Variants in MFN2 observed in about 807,000 individuals in gnomAD.
MFN2 encodes the protein mitofusin-2.
Under a neutral mutation model 87.5 loss-of-function variants are expected in MFN2, and 43 were observed. That is an observed-to-expected ratio of 0.49 (90% CI 0.38 to 0.63). The LOEUF (loss-of-function observed/expected upper bound fraction) is 0.63, where lower values mean the gene tolerates loss of function less well. Ranked by LOEUF, MFN2 falls within the 30% of genes least tolerant of loss-of-function variation. MFN2 has a pLI of 0.00. For synonymous variants in MFN2, 337 were observed against 359.9 expected, an observed-to-expected ratio of 0.94 and a Z score of 0.72; for missense variants, 743 against 972.8, an observed-to-expected ratio of 0.76 and a Z score of 3.14.
chr1:11,998,051 A>AT (rs754924584), intron 6 of MFN2, among the ~76,000 whole-genome samples: 3 of 150,190 alleles, frequency 2.0e-5, no homozygotes, highest in East Asian at 2.0e-4. Context: ...GCCTGGCTAA[A>AT]TTTTGTATTT....
intron 3 of MFN2, 29 bp downstream of exon 3, chr1:11,989,372 G>T (rs374801409): frequency 1.3e-5 from 21 of 1,610,690 alleles, no homozygotes; most frequent in Non-Finnish European, 1.6e-5. Context: ...AGCCAGGCCC[G>T]CTCTTACCTG....
rs1377029463 is a variant in MFN2 at position 12,004,206 on chromosome 1, T to C, written c.1287+88T>C. The C allele has an allele frequency of 1.4e-5, 21 of 1,542,898 alleles. No individual in the cohort carries two copies. Among genetic ancestry groups the C allele is most frequent in the Middle Eastern group, 2.3e-4 (1 of 4,382 alleles). On this transcript the variant is annotated intron_variant, in intron 12 of 18. Coordinates refer to ENST00000235329, the MANE Select transcript of MFN2 (RefSeq NM_014874.4). This position sits in a 1 kb window ranked among gnomAD's most constrained non-coding sequence, Gnocchi z 4.2. ...CAGACCTCCTCCTCTTAGGGACTTC[T>C]CAGCCTTTCAGAAGAAAGTTGTGGC...
At position 12,001,757 on chromosome 1, in the gene MFN2, C is replaced by T. The variant is rs755875740; in HGVS notation, c.971-12C>T. On this transcript the variant is annotated splice_polypyrimidine_tract_variant and intron_variant, in intron 9 of 18. Coordinates refer to ENST00000235329, the MANE Select transcript of MFN2 (RefSeq NM_014874.4). ...AAGTTGTTTCTGGACTAATGCAGTA[C>T]AATCCTCCTAGGGGGCGCTCTCGCA... 5 of 1,614,060 alleles carry T rather than the reference C, an allele frequency of 3.1e-6. No individual in the cohort carries two copies. The South Asian group carries it at 4.4e-5, about 14-fold the overall frequency.
chr1:11,997,740 CAG>C (rs2100827467), intron 6 of MFN2, among the ~76,000 whole-genome samples: 1 of 152,178 alleles, frequency 6.6e-6, no homozygotes, highest in East Asian at 1.9e-4. Context: ...GTGGCGGAGT[CAG>C]AGGTGTATTT....
rs367797291 is a variant in MFN2, at chr1:11,990,631, A to G, written c.175+1288A>G. ...GAGGCCTCCCCTGTTGTTTAAATGG[A>G]AGGGAAAGAGCTGGAGTGATCCTGA... On this transcript the variant is annotated intron_variant, in intron 3 of 18. Coordinates refer to ENST00000235329, the MANE Select transcript of MFN2 (RefSeq NM_014874.4). 6.6e-5 allele frequency among the ~76,000 whole-genome samples: 10 copies of G among 152,282 alleles called. No homozygotes were observed. The South Asian group carries it at 2.1e-3, about 32-fold the overall frequency.
Position 12,003,076 on chromosome 1 carries a change from A to G in MFN2, c.1161-916A>G, listed in dbSNP as rs1029937115. ...TATGCCTCATTTTCCTATGGATGGA[A>G]TTTTAGATTTTTTTTTTGCTATTGG... On this transcript the variant is annotated intron_variant, in intron 11 of 18. Coordinates refer to ENST00000235329, the MANE Select transcript of MFN2 (RefSeq NM_014874.4). This position sits in a 1 kb window ranked among gnomAD's most constrained non-coding sequence, Gnocchi z 4.1. Among the ~76,000 whole-genome samples, 5 of 151,092 alleles carry G rather than the reference A, an allele frequency of 3.3e-5. No homozygotes were observed. Among genetic ancestry groups the G allele is most frequent in the African/African-American group, 1.2e-4 (5 of 41,004 alleles).
chr1:12,008,983 C>T (rs1161047183), intron 17 of MFN2, among the ~76,000 whole-genome samples: 3 of 152,230 alleles, frequency 2.0e-5, no homozygotes, highest in Non-Finnish European at 4.4e-5. Flanking sequence ...AGATCACTGC[C>T]GGTTAGGAGC....
intron 15 of MFN2, among the ~76,000 whole-genome samples, chr1:12,006,301 A>G (rs1318987078): frequency 6.6e-6 from 1 of 152,244 alleles, no homozygotes; most frequent in Non-Finnish European, 1.5e-5. Flanking sequence ...TACACATCCC[A>G]CACTCGGGGA....
intron 2 of MFN2, among the ~76,000 whole-genome samples, chr1:11,985,482 T>A (rs910569): frequency 0.47 from 57,015 of 120,070 alleles, 15,078 homozygotes; most frequent in Middle Eastern, 0.53. Flanking sequence ...TTTTTTTTTT[T>A]AAAGAGAGAG....
At chr1:12,010,472 A>G (rs1345974787) in intron 18 of MFN2, among the ~76,000 whole-genome samples, 1 of 152,030 alleles carries the variant, frequency 6.6e-6, no homozygotes, top group East Asian at 1.9e-4. Context: ...CAGCCCCCGC[A>G]CTCTGATTCT....
chr1:11,995,689 T>A (rs1444096626), intron 4 of MFN2, among the ~76,000 whole-genome samples: 3 of 151,538 alleles, frequency 2.0e-5, no homozygotes, highest in African/African-American at 7.3e-5. Flanking sequence ...GCCTGGCAGT[T>A]GTCAGCTGGG....
intron 18 of MFN2, among the ~76,000 whole-genome samples, chr1:12,010,720 A>C (rs994134803): frequency 6.6e-6 from 1 of 152,124 alleles, no homozygotes; most frequent in African/African-American, 2.4e-5. Context: ...CCTGTGTCTC[A>C]TTATTTTCAT....
chr1:12,008,956 G>T (rs1557536491), intron 17 of MFN2, among the ~76,000 whole-genome samples: 1 of 152,366 alleles, frequency 6.6e-6, no homozygotes, highest in Non-Finnish European at 1.5e-5. Flanking sequence ...CCGGCACCTC[G>T]GGAGGCCGAG....
chr1:11,985,485 AGAG>A (rs1335124569), intron 2 of MFN2, among the ~76,000 whole-genome samples: 4 of 130,170 alleles, frequency 3.1e-5, no homozygotes, highest in African/African-American at 6.5e-5. Flanking sequence ...TTTTTTTTAA[AGAG>A]AGAGACTTCG....
chr1:12,008,258 GT>G (rs1365025328), intron 17 of MFN2, among the ~76,000 whole-genome samples: 1 of 151,598 alleles, frequency 6.6e-6, no homozygotes, highest in Admixed American at 6.6e-5. Flanking sequence ...TCAATGAGCT[GT>G]TGGGTACACC....
chr1:11,998,675 G>T, intron 6 of MFN2, 95 bp from the exon 7 acceptor site: 1 of 1,134,380 alleles, frequency 8.8e-7, no homozygotes, highest in South Asian at 1.2e-5. Flanking sequence ...TCTCCTCCAT[G>T]ACCTGCCTGC....
chr1:11,987,174 G>A (rs1310765088), intron 2 of MFN2, among the ~76,000 whole-genome samples: 1 of 151,998 alleles, frequency 6.6e-6, no homozygotes, highest in East Asian at 1.9e-4. Flanking sequence ...TGGGTGTGGT[G>A]GTACATGCCC....
intron 2 of MFN2, among the ~76,000 whole-genome samples, chr1:11,986,125 C>A (rs1030969695): frequency 2.0e-5 from 3 of 152,150 alleles, no homozygotes; most frequent in Non-Finnish European, 4.4e-5. Flanking sequence ...GTCCCTATCC[C>A]GCTTTGGGTC....
Position 12,006,660 on chromosome 1 carries a change from G to A in MFN2, c.1839G>A (p.Arg613=). The change falls in exon 16 of 19, where the codon AGG becomes AGA. Residue 613 remains arginine, a synonymous_variant. Coordinates refer to ENST00000235329, the MANE Select transcript of MFN2 (RefSeq NM_014874.4). ...MVTGLASLTS[R]TSMGILVVGG... ...CCGGCCTGGCCTCCTTGACATCCAG[G>A]ACCTCCATGGGCATTCTTGTTGTTG... 6.2e-7 allele frequency: 1 copy of A among 1,613,590 alleles called. No homozygotes were observed. The highest frequency in any genetic ancestry group is 8.5e-7 in the Non-Finnish European group (1 of 1,179,846).
Sources: allele counts gnomAD v4.1 joint callset (sites outside exome capture counted in the v4.1 genomes callset), GRCh38; gene constraint gnomAD v4.1.1; non-coding constraint Gnocchi (gnomAD v3.1); transcripts MANE v1.5; gene names NCBI Gene and HGNC (gene_info 2026-07-23, HGNC 2026-07-21).